HS6ST1: variants seen among roughly 807,000 people sequenced by gnomAD.
HS6ST1 encodes the protein heparan-sulfate 6-O-sulfotransferase 1.
In HS6ST1, 3 loss-of-function variants were observed where a neutral mutation model predicts 25.2. The observed-to-expected ratio is 0.12, with a 90% CI of 0.05 to 0.31. The LOEUF (loss-of-function observed/expected upper bound fraction) is 0.31, where lower values mean the gene tolerates loss of function less well. Among genes scored for constraint, HS6ST1 ranks in the 10% least tolerant of loss-of-function variants. HS6ST1 has a pLI of 1.00. For synonymous variants in HS6ST1, 204 were observed against 275.1 expected, an observed-to-expected ratio of 0.74 and a Z score of 2.56; for missense variants, 310 against 609.6, an observed-to-expected ratio of 0.51 and a Z score of 5.18.
intron 1 of HS6ST1, among the ~76,000 whole-genome samples, chr2:128,287,891 C>A (rs1693889313): frequency 6.6e-6 from 1 of 152,232 alleles, no homozygotes; most frequent in South Asian, 2.1e-4. Flanking sequence ...CGGGGCTGCT[C>A]GCCGGTCATG....
chr2:128,274,909 T>C lies in HS6ST1; in HGVS notation c.528-6039A>G, dbSNP rs1229934606. Among the ~76,000 whole-genome samples the C allele has an allele frequency of 3.9e-5, 5 of 129,652 alleles. No homozygotes were observed. In the East Asian group the frequency reaches 1.1e-3, roughly 29 times the overall value. 85.1% of individuals were successfully genotyped at this position (129,652 alleles called of 152,430 possible). Reference sequence around the variant, plus strand: ...AGGAGAATCACTTGAATGCAGGAGATAGAGGCTGCAGTGAGCTGAGATCGC... The same window carrying C: ...AGGAGAATCACTTGAATGCAGGAGACAGAGGCTGCAGTGAGCTGAGATCGC... On this transcript the variant is annotated intron_variant, in intron 1 of 1. Transcript: ENST00000259241.
At chr2:128,307,984 TCAGGGACCAA>T (rs1694237100) in intron 1 of HS6ST1, among the ~76,000 whole-genome samples, 1 of 152,180 alleles carries the variant, frequency 6.6e-6, no homozygotes, top group Non-Finnish European at 1.5e-5. Flanking sequence ...AACACGCATG[TCAGGGACCAA>T]CAGGGATAAA....
chr2:128,282,969 G>A (rs1002887086), intron 1 of HS6ST1, among the ~76,000 whole-genome samples: 2 of 152,180 alleles, frequency 1.3e-5, no homozygotes, highest in African/African-American at 4.8e-5. Context: ...GGGGCTCACG[G>A]ATTCCATCCT....
At chr2:128,271,279 G>A (rs1356749779) in intron 1 of HS6ST1, among the ~76,000 whole-genome samples, 1 of 152,222 alleles carries the variant, frequency 6.6e-6, no homozygotes, top group East Asian at 1.9e-4. Context: ...TGTGTGTATC[G>A]TGCAGGCTCC....
chr2:128,296,456 A>T (rs932038915), intron 1 of HS6ST1, among the ~76,000 whole-genome samples: 3 of 152,270 alleles, frequency 2.0e-5, no homozygotes, highest in Non-Finnish European at 4.4e-5. Context: ...TTATATGTAG[A>T]TAATGCTAAA....
intron 1 of HS6ST1, among the ~76,000 whole-genome samples, chr2:128,300,627 G>T (rs947342582): frequency 9.2e-5 from 14 of 152,178 alleles, no homozygotes; most frequent in African/African-American, 2.7e-4. Context: ...ATCTCTTCGG[G>T]GGAGGCTGTA....
intron 1 of HS6ST1, among the ~76,000 whole-genome samples, chr2:128,284,061 C>T (rs1422353499): frequency 6.6e-6 from 1 of 152,176 alleles, no homozygotes; most frequent in African/African-American, 2.4e-5. Flanking sequence ...GGGGCAGCCC[C>T]CCACCCTCAC....
chr2:128,282,417 G>T (rs1220892385), intron 1 of HS6ST1, among the ~76,000 whole-genome samples: 5 of 152,224 alleles, frequency 3.3e-5, no homozygotes, highest in Admixed American at 3.3e-4. Flanking sequence ...CCTGGACAGG[G>T]TCTGTCTGGT....
At chr2:128,297,594 G>A (rs1694058589) in intron 1 of HS6ST1, among the ~76,000 whole-genome samples, 1 of 152,232 alleles carries the variant, frequency 6.6e-6, no homozygotes. Context: ...TTGGGAGGCC[G>A]AGGTGGGTGA....
intron 1 of HS6ST1, among the ~76,000 whole-genome samples, chr2:128,282,189 C>A (rs1355638589): frequency 6.6e-6 from 1 of 152,216 alleles, no homozygotes; most frequent in African/African-American, 2.4e-5. Flanking sequence ...AGCCCGTTTC[C>A]TTAGAGCACA....
In HS6ST1 at chr2:128,278,372, G is replaced by A. The variant is rs576017129; in HGVS notation, c.528-9502C>T. ...CAGCCAGAAATGAGACTTCAAACCT[G>A]GTTCAGGGCATGTGGGAAGTCTGGG... is the stretch of plus-strand genomic sequence containing the variant. On this transcript the variant is annotated intron_variant, in intron 1 of 1. Coordinates refer to ENST00000259241, the MANE Select transcript of HS6ST1 (RefSeq NM_004807.3). Among the ~76,000 whole-genome samples the A allele has an allele frequency of 2.0e-3, 298 of 152,344 alleles. 1 individual carries two copies. Among genetic ancestry groups the A allele is most frequent in the Non-Finnish European group, 2.1e-3 (141 of 68,030 alleles).
At chr2:128,283,891 C>A (rs1693823045) in intron 1 of HS6ST1, among the ~76,000 whole-genome samples, 1 of 152,228 alleles carries the variant, frequency 6.6e-6, no homozygotes, top group Non-Finnish European at 1.5e-5. Flanking sequence ...GCAACTGACT[C>A]CTGGGACTGT....
At chr2:128,277,495 T>C (rs1693713828) in intron 1 of HS6ST1, among the ~76,000 whole-genome samples, 1 of 152,202 alleles carries the variant, frequency 6.6e-6, no homozygotes, top group African/African-American at 2.4e-5. Flanking sequence ...GCAGCTGTGA[T>C]GTGTGGCCAT....
chr2:128,265,713 C>T lies in HS6ST1; in HGVS notation c.*2449G>A, dbSNP rs1292940865. On this transcript the variant is annotated 3_prime_UTR_variant, in exon 2 of 2. Transcript: ENST00000259241. The stretch of plus-strand genomic sequence containing the variant: ...AAAGTTCACAGCCTTGTTTTGTGGG[C>T]AGTTCTGCTGTTCCTGGCTTCCCCT... The T allele has an allele frequency of 1.3e-5, 2 of 152,104 alleles. No homozygotes were observed. Among genetic ancestry groups the T allele is most frequent in the Non-Finnish European group, 2.9e-5 (2 of 68,016 alleles). The allele number at this position is 152,104 out of a possible 1,614,324, so 9.4% of individuals were successfully genotyped here.
intron 1 of HS6ST1, among the ~76,000 whole-genome samples, chr2:128,289,474 G>A (rs557842630): frequency 8.5e-5 from 13 of 152,316 alleles, no homozygotes; most frequent in Admixed American, 5.2e-4. Context: ...GATACCAGAG[G>A]TGTCTGACTT....
chr2:128,279,014 T>C (rs1693738526), intron 1 of HS6ST1, among the ~76,000 whole-genome samples: 1 of 152,186 alleles, frequency 6.6e-6, no homozygotes, highest in Non-Finnish European at 1.5e-5. Context: ...TAAGAAATAA[T>C]GTAATGAAGA....
intron 1 of HS6ST1, among the ~76,000 whole-genome samples, chr2:128,285,973 G>C (rs1305549464): frequency 2.6e-5 from 4 of 152,194 alleles, no homozygotes; most frequent in Non-Finnish European, 5.9e-5. Context: ...TGGGATTCCT[G>C]CTCTGCCAGC....
At chr2:128,310,167 G>A (rs1262116267) in intron 1 of HS6ST1, among the ~76,000 whole-genome samples, 5 of 152,178 alleles carry the variant, frequency 3.3e-5, no homozygotes, top group Non-Finnish European at 5.9e-5. Flanking sequence ...CACAGCCCAG[G>A]GCCTGAGCAG....
rs187778642 is a variant in HS6ST1, at chr2:128,297,782, C to T, written c.527+20255G>A. Among the ~76,000 whole-genome samples, 215 of 152,152 alleles carry T rather than the reference C, an allele frequency of 1.4e-3. 1 individual carries two copies. Among genetic ancestry groups the T allele is most frequent in the African/African-American group, 4.8e-3 (201 of 41,488 alleles). On this transcript the variant is annotated intron_variant, in intron 1 of 1. Coordinates refer to ENST00000259241, the MANE Select transcript of HS6ST1 (RefSeq NM_004807.3). ...CTGGGAAGCAGAGGTTGCGGTGAGC[C>T]GAGATGACACCATTGCACTACAGCC...
Sources: allele counts gnomAD v4.1 joint callset (sites outside exome capture counted in the v4.1 genomes callset), GRCh38; gene constraint gnomAD v4.1.1; transcripts MANE v1.5; gene names NCBI Gene and HGNC (gene_info 2026-07-23, HGNC 2026-07-21).